SLC24A3: variants seen among roughly 807,000 people sequenced by gnomAD.
SLC24A3 encodes the protein sodium/potassium/calcium exchanger 3.
A neutral mutation model predicts 75.8 loss-of-function variants in SLC24A3; 28 were observed. That is an observed-to-expected ratio of 0.37 (90% CI 0.27 to 0.51). The LOEUF (loss-of-function observed/expected upper bound fraction) is 0.51, where lower values mean the gene tolerates loss of function less well. Ranked by LOEUF, SLC24A3 falls within the 20% of genes least tolerant of loss-of-function variation. The probability of loss-of-function intolerance (pLI) is 0.94; values close to 1 mark genes in which losing one functional copy is unlikely to be tolerated. For missense variants in SLC24A3, 663 were observed against 847.8 expected (o/e 0.78, Z 2.71); for synonymous variants, 372 against 334.1 (o/e 1.11, Z -1.24).
chr20:19,654,391 C>T (rs1043316551), intron 7 of SLC24A3, among the ~76,000 whole-genome samples: 1 of 152,070 alleles, frequency 6.6e-6, no homozygotes, highest in African/African-American at 2.4e-5. Flanking sequence ...TCTCCTGAGA[C>T]CCTCGTGAGC....
intron 12 of SLC24A3, among the ~76,000 whole-genome samples, chr20:19,689,568 T>G (rs894080915): frequency 6.6e-6 from 1 of 152,186 alleles, no homozygotes; most frequent in African/African-American, 2.4e-5. Context: ...CAAAATGGCA[T>G]AGAGGACATT....
intron 9 of SLC24A3, among the ~76,000 whole-genome samples, chr20:19,677,675 CTTTTTTTTTTCTTTTTTTT>C (rs1391693793): frequency 1.0e-5 from 1 of 95,606 alleles, no homozygotes; most frequent in Non-Finnish European, 2.2e-5. Flanking sequence ...TTTTAGGATT[CTTTTTTTTTTCTTTTTTTT>C]TTTTTTTTTT....
At chr20:19,299,264 A>G (rs1984141380) in intron 2 of SLC24A3, among the ~76,000 whole-genome samples, 1 of 150,236 alleles carries the variant, frequency 6.7e-6, no homozygotes, top group Admixed American at 6.7e-5. Context: ...TCAGCCCATT[A>G]TTTTTCACTG....
Position 19,528,436 on chromosome 20 carries a change from C to G in SLC24A3, c.348+12872C>G, listed in dbSNP as rs543769304. Among the ~76,000 whole-genome samples, 4 of 152,256 alleles carry G rather than the reference C, an allele frequency of 2.6e-5. No homozygotes were observed. The East Asian group carries it at 7.7e-4, about 29-fold the overall frequency. The stretch of plus-strand genomic sequence containing the variant: ...TCCTAAGATGCTTCACCATTTCTCC[C>G]AATAATCCCAGAAGCTATTTGCAAA... On this transcript the variant is annotated intron_variant, in intron 3 of 16. Transcript: ENST00000328041.
In SLC24A3 at chr20:19,696,898, T is replaced by C. The variant is rs930545824; in HGVS notation, c.1593T>C (p.Ile531=). The C allele has an allele frequency of 6.8e-7, 1 of 1,475,714 alleles. No homozygotes were observed. Among genetic ancestry groups the C allele is most frequent in the African/African-American group, 1.4e-5 (1 of 70,172 alleles). 91.4% of individuals were successfully genotyped at this position (1,475,714 alleles called of 1,614,324 possible). The change falls in exon 14 of 17, where the codon ATT becomes ATC. Residue 531 remains isoleucine, a synonymous_variant. Coordinates refer to ENST00000328041, the MANE Select transcript of SLC24A3 (RefSeq NM_020689.4). ...TSVPDCMASL[I]VARQGMGDMA... ...TGCCTGACTGCATGGCCAGCCTCAT[T>C]GTGGCCAGACAAGGTGGGACTTCCA...
intron 6 of SLC24A3, among the ~76,000 whole-genome samples, chr20:19,648,942 G>T (rs1241273410): frequency 6.6e-6 from 1 of 152,216 alleles, no homozygotes; most frequent in Non-Finnish European, 1.5e-5. Flanking sequence ...ATCTGTGGAG[G>T]AGTGGATGGG....
At chr20:19,236,683 G>A (rs1982177955) in intron 1 of SLC24A3, among the ~76,000 whole-genome samples, 1 of 152,188 alleles carries the variant, frequency 6.6e-6, no homozygotes. Context: ...TTGAGCCCAG[G>A]CGTTTGAGGC....
At chr20:19,312,560 A>T (rs1984485862) in intron 2 of SLC24A3, among the ~76,000 whole-genome samples, 1 of 152,204 alleles carries the variant, frequency 6.6e-6, no homozygotes, top group Admixed American at 6.5e-5. Context: ...AGAAGGTGGG[A>T]TTCTTCATGA....
In SLC24A3 at chr20:19,500,681, C is replaced by T. The variant is rs537491969; in HGVS notation, c.272-14807C>T. Among the ~76,000 whole-genome samples, 56 of 152,284 alleles carry T rather than the reference C, an allele frequency of 3.7e-4. 1 individual carries two copies. Among genetic ancestry groups the T allele is most frequent in the South Asian group, 2.7e-3 (13 of 4,824 alleles). ...GGAAGCAATGATATTAAATTCCTTT[C>T]CATCCTTGAAAATTCTGCTAAGTTA... On this transcript the variant is annotated intron_variant, in intron 2 of 16. Transcript: ENST00000328041.
At chr20:19,318,800 C>T (rs561220965) in intron 2 of SLC24A3, among the ~76,000 whole-genome samples, 3 of 152,112 alleles carry the variant, frequency 2.0e-5, no homozygotes, top group Non-Finnish European at 4.4e-5. Context: ...AGTCATGTCC[C>T]CAGAACTGCT....
At chr20:19,508,782 G>A (rs1988496234) in intron 2 of SLC24A3, among the ~76,000 whole-genome samples, 1 of 152,214 alleles carries the variant, frequency 6.6e-6, no homozygotes, top group South Asian at 2.1e-4. Flanking sequence ...AAGGTATTTG[G>A]GGAATGACTC....
chr20:19,241,348 G>A (rs3790169), intron 1 of SLC24A3, among the ~76,000 whole-genome samples: 22,680 of 152,098 alleles, frequency 0.15, 2,975 homozygotes, highest in East Asian at 0.74. Flanking sequence ...CACAATACTC[G>A]GGGCTTGGGA....
At chr20:19,245,394 T>C (rs1166912485) in intron 1 of SLC24A3, among the ~76,000 whole-genome samples, 1 of 152,234 alleles carries the variant, frequency 6.6e-6, no homozygotes, top group Non-Finnish European at 1.5e-5. Flanking sequence ...ATATTTTAAA[T>C]ATTTCAGACT....
At chr20:19,258,448 G>A (rs1982880457) in intron 1 of SLC24A3, among the ~76,000 whole-genome samples, 2 of 152,362 alleles carry the variant, frequency 1.3e-5, no homozygotes, top group Middle Eastern at 3.4e-3. Flanking sequence ...GCTCACGCCT[G>A]TAATCCTAGC....
At chr20:19,298,875 AT>A (rs1452680650) in intron 2 of SLC24A3, among the ~76,000 whole-genome samples, 1 of 152,196 alleles carries the variant, frequency 6.6e-6, no homozygotes, top group African/African-American at 2.4e-5. Context: ...GAGCTGGGGT[AT>A]TTATACACCA....
intron 2 of SLC24A3, among the ~76,000 whole-genome samples, chr20:19,317,723 T>C (rs1984617352): frequency 6.6e-6 from 1 of 152,204 alleles, no homozygotes; most frequent in Non-Finnish European, 1.5e-5. Flanking sequence ...GCTCACCCCT[T>C]CTTGCCAGGG....
At chr20:19,321,130 G>T (rs1355196007) in intron 2 of SLC24A3, among the ~76,000 whole-genome samples, 4 of 151,966 alleles carry the variant, frequency 2.6e-5, no homozygotes, top group African/African-American at 9.7e-5. Flanking sequence ...ACTTTTTTGT[G>T]TGAAAGCGTT....
chr20:19,556,826 C>T (rs1412295457), intron 3 of SLC24A3, among the ~76,000 whole-genome samples: 1 of 152,178 alleles, frequency 6.6e-6, no homozygotes, highest in African/African-American at 2.4e-5. Flanking sequence ...TAGAAAACAA[C>T]ACCAGGCAAT....
At chr20:19,292,195 A>C (rs1194162210) in intron 2 of SLC24A3, among the ~76,000 whole-genome samples, 1 of 152,182 alleles carries the variant, frequency 6.6e-6, no homozygotes, top group African/African-American at 2.4e-5. Context: ...TCAAGTCTTT[A>C]ACACACAGCC....
Sources: allele counts gnomAD v4.1 joint callset (sites outside exome capture counted in the v4.1 genomes callset), GRCh38; gene constraint gnomAD v4.1.1; transcripts MANE v1.5; gene names NCBI Gene and HGNC (gene_info 2026-07-23, HGNC 2026-07-21).